MAK: variants seen among roughly 807,000 people sequenced by gnomAD.
The protein encoded by MAK is male germ cell associated kinase, also known as serine/threonine-protein kinase MAK.
In MAK, 65 loss-of-function variants were observed where a neutral mutation model predicts 82.6. The observed-to-expected ratio is 0.79, with a 90% CI of 0.64 to 0.97. The LOEUF is 0.97. Among genes scored for constraint, MAK ranks in the 50% least tolerant of loss-of-function variants. The pLI is 0.00. For synonymous variants in MAK, 250 were observed against 274.2 expected (o/e 0.91, Z 0.87); for missense variants, 703 against 780.2 (o/e 0.90, Z 1.18).
At chr6:10,769,001 C>T (rs977841319) in intron 14 of MAK, among the ~76,000 whole-genome samples, 27 of 152,228 alleles carry the variant, frequency 1.8e-4, no homozygotes, top group Admixed American at 4.6e-4. Flanking sequence ...CTTGCGCCCA[C>T]GAGTCAAGAT....
intron 11 of MAK, among the ~76,000 whole-genome samples, chr6:10,778,382 A>C (rs1773644160): frequency 6.6e-6 from 1 of 152,216 alleles, no homozygotes. Flanking sequence ...TCAAATAAGC[A>C]ATTTTAAGCT....
At chr6:10,823,366 C>T (rs987671649) in intron 2 of MAK, among the ~76,000 whole-genome samples, 2 of 152,146 alleles carry the variant, frequency 1.3e-5, no homozygotes, top group Non-Finnish European at 2.9e-5. Flanking sequence ...AACCCCCACT[C>T]CCAGCCCCCG....
At chr6:10,831,608 C>T (rs1467702421) in intron 1 of MAK, among the ~76,000 whole-genome samples, 1 of 152,020 alleles carries the variant, frequency 6.6e-6, no homozygotes, top group East Asian at 1.9e-4. Context: ...ACTAGCTGGA[C>T]TTGATGGCAC....
intron 14 of MAK, 56 bp downstream of exon 14, chr6:10,770,049 TAAAAAG>T (rs1772854564): frequency 2.5e-6 from 4 of 1,613,492 alleles, no homozygotes; most frequent in African/African-American, 1.3e-5. Flanking sequence ...TGCATAAACT[TAAAAAG>T]GAAAATGTTC....
intron 1 of MAK, among the ~76,000 whole-genome samples, chr6:10,835,981 C>T (rs1316847107): frequency 2.0e-5 from 3 of 152,346 alleles, no homozygotes; most frequent in South Asian, 4.1e-4. Context: ...TGATGACTTT[C>T]GACCCAAGCC....
intron 12 of MAK, among the ~76,000 whole-genome samples, chr6:10,773,465 A>G (rs1414386110): frequency 6.6e-5 from 10 of 152,226 alleles, no homozygotes; most frequent in Non-Finnish European, 1.3e-4. Context: ...TAAAAAGCCC[A>G]AATATATTGA....
chr6:10,813,297 C>G (rs1177068240), intron 5 of MAK, among the ~76,000 whole-genome samples: 1 of 146,560 alleles, frequency 6.8e-6, no homozygotes, highest in African/African-American at 2.5e-5. Context: ...TACAGGCGCC[C>G]GCCACCACGC....
At chr6:10,805,388 C>T (rs936314322) in intron 6 of MAK, among the ~76,000 whole-genome samples, 39 of 151,938 alleles carry the variant, frequency 2.6e-4, no homozygotes, top group Admixed American at 5.9e-4. Context: ...GAGTTCGAGA[C>T]CGGCCTGGCC....
chr6:10,813,118 ATATATATATATATATAAATT>A (rs1561987313), intron 5 of MAK, among the ~76,000 whole-genome samples: 654 of 3,218 alleles, frequency 0.2, 130 homozygotes, highest in Non-Finnish European at 0.26. Flanking sequence ...ATATATATAT[ATATATATATATATATAAATT>A]TTTTTTTTTT....
chr6:10,832,990 C>T (rs922622338), intron 1 of MAK, among the ~76,000 whole-genome samples: 5 of 152,136 alleles, frequency 3.3e-5, no homozygotes, highest in Non-Finnish European at 7.4e-5. Flanking sequence ...ACAGTATCTC[C>T]GAGGTGTGTA....
chr6:10,791,794 AGT>A lies in MAK; in HGVS notation c.1195_1196del (p.Thr399TyrfsTer7), dbSNP rs1445845736. On this transcript the variant is annotated frameshift_variant, in exon 10 of 15. Transcript: ENST00000354489. LOFTEE classifies it high-confidence loss of function. ...CCCAGCTATCTCCAGACTTGAAGAT[AGT>A]CTGACCCCAACGCCTCCTACCACTT... ...HKSGRRRWGQ[T>X]IFKSGDSWEE... 2.3e-5 allele frequency: 37 copies of A among 1,614,016 alleles called. No individual in the cohort carries two copies. The highest frequency in any genetic ancestry group is 2.9e-5 in the Non-Finnish European group (34 of 1,180,022).
intron 11 of MAK, 50 bp downstream of exon 11, chr6:10,784,374 G>C (rs779843369): frequency 1.3e-6 from 2 of 1,598,190 alleles, no homozygotes; most frequent in African/African-American, 2.7e-5. Flanking sequence ...ACTTGAACCT[G>C]ACCTATCTAT....
intron 6 of MAK, 43 bp downstream of exon 6, chr6:10,808,767 C>T (rs756344501): frequency 6.2e-7 from 1 of 1,601,430 alleles, no homozygotes; most frequent in Non-Finnish European, 8.6e-7. Context: ...GAAAATTTCA[C>T]CATAGGCTTA....
At chr6:10,789,237 C>T (rs1008197481) in intron 10 of MAK, among the ~76,000 whole-genome samples, 3 of 151,994 alleles carry the variant, frequency 2.0e-5, no homozygotes, top group Non-Finnish European at 4.4e-5. Flanking sequence ...TGAAGACTTC[C>T]ATACTATACC....
chr6:10,764,135 AGTT>A lies in MAK; in HGVS notation c.*314_*316del, dbSNP rs1375539306. The A allele has an allele frequency of 2.7e-5, 7 of 262,638 alleles. No homozygotes were observed. The highest frequency in any genetic ancestry group is 4.4e-5 in the Non-Finnish European group (6 of 137,070). The allele number at this position is 262,638 out of a possible 1,614,324, so 16.3% of individuals were successfully genotyped here. A position where few individuals can be genotyped will look rare whatever the true frequency, so the allele number is the denominator to read the frequency against. On this transcript the variant is annotated 3_prime_UTR_variant, in exon 15 of 15. Coordinates refer to ENST00000354489, the MANE Select transcript of MAK (RefSeq NM_001242957.3). ...TAAAACACTCTAAACATTTTCTGGA[AGTT>A]GTTTTTTTTTAAGGGTTCTTATTGG...
At chr6:10,765,489 C>T (rs1409078145) in intron 14 of MAK, among the ~76,000 whole-genome samples, 2 of 134,964 alleles carry the variant, frequency 1.5e-5, no homozygotes, top group Non-Finnish European at 3.0e-5. Flanking sequence ...GGCAGAGTTT[C>T]GCCCTTGTTG....
At chr6:10,822,077 G>T (rs1386280099) in intron 2 of MAK, among the ~76,000 whole-genome samples, 4 of 147,768 alleles carry the variant, frequency 2.7e-5, no homozygotes, top group Non-Finnish European at 4.4e-5. Context: ...AACTCGGGAG[G>T]CAGAGCTTGC....
chr6:10,813,119 TATATATATATATATAAA>T (rs1439409431), intron 5 of MAK, among the ~76,000 whole-genome samples: 1,729 of 3,228 alleles, frequency 0.54, 590 homozygotes, highest in Non-Finnish European at 0.63. Context: ...TATATATATA[TATATATATATATATAAA>T]TTTTTTTTTT....
At chr6:10,765,929 A>G (rs982537520) in intron 14 of MAK, among the ~76,000 whole-genome samples, 3 of 152,214 alleles carry the variant, frequency 2.0e-5, no homozygotes, top group Admixed American at 2.0e-4. Context: ...TTTCTTGAAC[A>G]TTTGTTATCT....
Sources: allele counts gnomAD v4.1 joint callset (sites outside exome capture counted in the v4.1 genomes callset), GRCh38; gene constraint gnomAD v4.1.1; transcripts MANE v1.5; gene names NCBI Gene and HGNC (gene_info 2026-07-23, HGNC 2026-07-21).